The following SF3B3 variants were observed in gnomAD, a reference collection of about 807,000 sequenced individuals.
SF3B3 encodes the protein splicing factor 3b subunit 3.
A neutral mutation model predicts 139.2 loss-of-function variants in SF3B3; 33 were observed. The ratio of observed to expected loss-of-function variants is 0.24; its 90% confidence interval spans 0.18 to 0.32. SF3B3 has a LOEUF of 0.32. Ranked by LOEUF, SF3B3 falls within the 10% of genes least tolerant of loss-of-function variation. The pLI, the probability that SF3B3 is intolerant of heterozygous loss-of-function variation, is 1.00. For missense variants in SF3B3, 818 were observed against 1,509.4 expected (o/e 0.54, Z 7.59); for synonymous variants, 596 against 563.6 (o/e 1.06, Z -0.81).
rs1381449044 is a variant in SF3B3 at position 70,576,217 on chromosome 16, G to C, written c.*4404G>C. On this transcript the variant is annotated 3_prime_UTR_variant, in exon 26 of 26. Transcript: ENST00000302516. ...CAAAATGAAGAAAAAAAATATCAAA[G>C]AAAACCAGGTTTGGAAGTTTCAGAT... The C allele has an allele frequency of 6.6e-6, 1 of 152,088 alleles. No individual in the cohort carries two copies. The highest frequency in any genetic ancestry group is 1.9e-4 in the East Asian group (1 of 5,178). The allele number at this position is 152,088 out of a possible 1,614,324, so 9.4% of individuals were successfully genotyped here.
At chr16:70,566,720 CT>C (rs1375113145) in intron 20 of SF3B3, among the ~76,000 whole-genome samples, 3 of 152,110 alleles carry the variant, frequency 2.0e-5, no homozygotes, top group Non-Finnish European at 2.9e-5. Flanking sequence ...TTCATAGACC[CT>C]TTTGCATATT....
chr16:70,567,834 C>T (rs1468002295), intron 21 of SF3B3, among the ~76,000 whole-genome samples: 5 of 152,246 alleles, frequency 3.3e-5, no homozygotes, highest in African/African-American at 7.2e-5. Context: ...TACAGATGCG[C>T]GCCACCACGC....
intron 9 of SF3B3, among the ~76,000 whole-genome samples, chr16:70,542,848 A>G (rs1437067156): frequency 1.3e-5 from 2 of 150,056 alleles, no homozygotes; most frequent in Admixed American, 6.7e-5. Flanking sequence ...TAGCCTCCCT[A>G]GTAGCTGGGA....
At chr16:70,531,063 G>A (rs1361283541) in intron 4 of SF3B3, 146 bp downstream of exon 4, 18 of 682,828 alleles carry the variant, frequency 2.6e-5, no homozygotes, top group East Asian at 7.8e-5. Context: ...TCAGGAGATC[G>A]AGACCATTCT....
chr16:70,551,191 C>G (rs1481702702), intron 11 of SF3B3, among the ~76,000 whole-genome samples: 1 of 152,134 alleles, frequency 6.6e-6, no homozygotes, highest in Non-Finnish European at 1.5e-5. Flanking sequence ...AAGAAAAAAG[C>G]ATTCCCTCCT....
In SF3B3 at chr16:70,571,540, G is replaced by A. The variant is rs961247054; in HGVS notation, c.3514-133G>A. 15 of 957,196 alleles carry A rather than the reference G, an allele frequency of 1.6e-5. 1 individual carries two copies. Among genetic ancestry groups the A allele is most frequent in the Middle Eastern group, 5.2e-4 (2 of 3,810 alleles). The allele number at this position is 957,196 out of a possible 1,614,324, so 59.3% of individuals were successfully genotyped here. On this transcript the variant is annotated intron_variant, in intron 25 of 25. Transcript: ENST00000302516. Reference sequence around the variant, plus strand: ...AGATTATCCCACTGCACTGCAACCCGGATGATAGGGTGAGACCCTGTCTCA... The same window carrying A: ...AGATTATCCCACTGCACTGCAACCCAGATGATAGGGTGAGACCCTGTCTCA...
Position 70,568,263 on chromosome 16 carries a change from A to T in SF3B3, c.2953-20A>T. ...CCCCAAGATTACACCCACCATCACT[A>T]TTGTCTTTGTTTTTCCCAGCATATT... is the stretch of plus-strand genomic sequence containing the variant. On this transcript the variant is annotated intron_variant, in intron 21 of 25. Transcript: ENST00000302516. 2 of 1,574,328 alleles carry T rather than the reference A, an allele frequency of 1.3e-6. No homozygotes were observed. The highest frequency in any genetic ancestry group is 1.3e-5 in the African/African-American group (1 of 74,142).
chr16:70,539,277 G>T lies in SF3B3; in HGVS notation c.1067+70G>T, dbSNP rs1337336155. 6.5e-6 allele frequency: 7 copies of T among 1,069,392 alleles called. No individual in the cohort carries two copies. In the East Asian group the frequency reaches 1.7e-4, roughly 25 times the overall value. The allele number at this position is 1,069,392 out of a possible 1,614,324, so 66.2% of individuals were successfully genotyped here. A position where few individuals can be genotyped will look rare whatever the true frequency, so the allele number is the denominator to read the frequency against. On this transcript the variant is annotated intron_variant, in intron 8 of 25. Transcript: ENST00000302516. ...AAGTTGGCAGCAGAAGCTGGGTGCA[G>T]TGGCTCACGGCCATAATCCTAGCAC... is the stretch of plus-strand genomic sequence containing the variant.
intron 13 of SF3B3, 74 bp from the exon 14 acceptor site, chr16:70,556,105 G>C: frequency 6.8e-7 from 1 of 1,473,972 alleles, no homozygotes; most frequent in East Asian, 2.3e-5. Context: ...CTGGATCCAG[G>C]GTTTTGGGGT....
rs2050016996 is a variant in SF3B3 at position 70,523,851 on chromosome 16, T to A, written c.-148T>A. On this transcript the variant is annotated 5_prime_UTR_variant, in exon 1 of 26. The change abolishes an upstream ATG in the 5' untranslated region. Transcript: ENST00000302516. Reference sequence around the variant, plus strand: ...TGAGGTCTAATGGCGGACGCCAGTATGTTGGAGTTGGTGGTGGCTTAAGTT... The same window carrying A: ...TGAGGTCTAATGGCGGACGCCAGTAAGTTGGAGTTGGTGGTGGCTTAAGTT... 3 of 517,792 alleles carry A rather than the reference T, an allele frequency of 5.8e-6. No individual in the cohort carries two copies. The South Asian group carries it at 9.1e-5, about 16-fold the overall frequency. The allele number at this position is 517,792 out of a possible 1,614,324, so 32.1% of individuals were successfully genotyped here.
chr16:70,558,051 C>T (rs748762107), intron 15 of SF3B3, among the ~76,000 whole-genome samples: 5 of 152,060 alleles, frequency 3.3e-5, no homozygotes, highest in Non-Finnish European at 7.4e-5. Context: ...TTAAACTGTT[C>T]TACCCCATTT....
intron 10 of SF3B3, among the ~76,000 whole-genome samples, chr16:70,547,439 C>T (rs1372607248): frequency 6.6e-6 from 1 of 152,138 alleles, no homozygotes; most frequent in South Asian, 2.1e-4. Context: ...CCAGTTTTCC[C>T]CTCTAGATCA....
intron 14 of SF3B3, 132 bp from the exon 15 acceptor site, chr16:70,556,754 A>C: frequency 3.4e-6 from 3 of 885,406 alleles, no homozygotes; most frequent in Non-Finnish European, 5.3e-6. Flanking sequence ...GTACTCTCTT[A>C]GAACTCACTC....
chr16:70,550,355 C>G (rs11075770), intron 11 of SF3B3: 21 of 151,932 alleles, frequency 1.4e-4, no homozygotes, highest in African/African-American at 4.8e-4. Flanking sequence ...AGTGATAGGC[C>G]GTTTGTTGCA....
chr16:70,532,668 T>A, intron 5 of SF3B3, 48 bp downstream of exon 5: 1 of 1,584,966 alleles, frequency 6.3e-7, no homozygotes, highest in Non-Finnish European at 8.7e-7. Flanking sequence ...TGGTTCATTT[T>A]ATGCCCAAAC....
intron 6 of SF3B3, among the ~76,000 whole-genome samples, chr16:70,536,531 A>ATT (rs58664231): frequency 5.6e-5 from 8 of 143,646 alleles, no homozygotes; most frequent in African/African-American, 2.0e-4. Context: ...CGCCCGGCTA[A>ATT]TTTTTTTTTT....
intron 4 of SF3B3, among the ~76,000 whole-genome samples, chr16:70,531,378 G>A (rs1418869992): frequency 1.3e-5 from 2 of 151,954 alleles, no homozygotes; most frequent in African/African-American, 2.4e-5. Flanking sequence ...ATCTCAGCTC[G>A]CTGCAACCTC....
At chr16:70,559,576 A>G (rs1352937906) in intron 15 of SF3B3, among the ~76,000 whole-genome samples, 2 of 152,116 alleles carry the variant, frequency 1.3e-5, no homozygotes, top group African/African-American at 4.8e-5. Flanking sequence ...AGTCCCAGCT[A>G]CTTGGGAAGC....
In SF3B3 at chr16:70,534,740, C is replaced by T. The variant is rs1415199211; in HGVS notation, c.713-568C>T. ...CTAGAGCACAGTGGCACGATCTTGGCTCACTACAACCTCCACCTCCTGGGT... is the reference window on the plus strand; with the variant it reads ...CTAGAGCACAGTGGCACGATCTTGGTTCACTACAACCTCCACCTCCTGGGT... On this transcript the variant is annotated intron_variant, in intron 5 of 25. Coordinates refer to ENST00000302516, the MANE Select transcript of SF3B3 (RefSeq NM_012426.5). Among the ~76,000 whole-genome samples the T allele has an allele frequency of 2.0e-5, 3 of 152,188 alleles. No homozygotes were observed. The East Asian group carries it at 5.8e-4, about 29-fold the overall frequency.
Sources: allele counts gnomAD v4.1 joint callset (sites outside exome capture counted in the v4.1 genomes callset), GRCh38; gene constraint gnomAD v4.1.1; transcripts MANE v1.5; gene names NCBI Gene and HGNC (gene_info 2026-07-23, HGNC 2026-07-21).